RBFOX1: variants seen among roughly 807,000 people sequenced by gnomAD.
The protein encoded by RBFOX1 is RNA binding fox-1 homolog 1.
In RBFOX1, 8 loss-of-function variants were observed where a neutral mutation model predicts 57.7. That is an observed-to-expected ratio of 0.14 (90% CI 0.08 to 0.25). The LOEUF (loss-of-function observed/expected upper bound fraction) is 0.25. RBFOX1 is among the 10% of genes least tolerant of loss of function. The pLI, the probability that RBFOX1 is intolerant of heterozygous loss-of-function variation, is 1.00. For missense variants in RBFOX1, 611 were observed against 548.5 expected (o/e 1.11, Z -1.14); for synonymous variants, 326 against 222.4 (o/e 1.47, Z -4.15).
At chr16:7,614,803 T>G (rs777419573) in intron 10 of RBFOX1, 1 of 152,222 alleles carries the variant, frequency 6.6e-6, no homozygotes, top group South Asian at 2.1e-4. Context: ...CAAATCCTTA[T>G]GAAAATGCTA....
At chr16:6,298,638 C>T (rs1264022483) in intron 1 of RBFOX1, among the ~76,000 whole-genome samples, 1 of 152,126 alleles carries the variant, frequency 6.6e-6, no homozygotes, top group Non-Finnish European at 1.5e-5. Flanking sequence ...CCAAAACCTT[C>T]CTTCTGGGTT....
chr16:6,026,300 A>G (rs1375596693), intron 1 of RBFOX1, among the ~76,000 whole-genome samples: 1 of 152,232 alleles, frequency 6.6e-6, no homozygotes, highest in Non-Finnish European at 1.5e-5. Flanking sequence ...CAGAAGCCCC[A>G]TATGGAAATA....
chr16:6,779,185 T>G (rs543303575), intron 3 of RBFOX1, among the ~76,000 whole-genome samples: 4 of 152,156 alleles, frequency 2.6e-5, no homozygotes, highest in East Asian at 3.9e-4. Flanking sequence ...TCCCCTTCCT[T>G]GCATTTGGTA....
chr16:7,558,404 ATATT>A (rs1168345996), intron 5 of RBFOX1, among the ~76,000 whole-genome samples: 2 of 152,070 alleles, frequency 1.3e-5, no homozygotes, highest in African/African-American at 2.4e-5. Context: ...ACACACATAT[ATATT>A]TATGCTATAT....
chr16:6,546,146 G>A (rs886509496), intron 2 of RBFOX1, among the ~76,000 whole-genome samples: 2 of 152,228 alleles, frequency 1.3e-5, no homozygotes, highest in African/African-American at 2.4e-5. Context: ...TGGGCCACAT[G>A]TGACCTGTGG....
chr16:7,207,239 C>T (rs1163397979), intron 4 of RBFOX1, among the ~76,000 whole-genome samples: 2 of 152,112 alleles, frequency 1.3e-5, no homozygotes, highest in African/African-American at 4.8e-5. Flanking sequence ...GCATCATTGG[C>T]CGGGCGTTAT....
rs1005683322 is a variant in RBFOX1, at chr16:5,799,207, G to A, written c.319-68096G>A. Reference sequence around the variant, plus strand: ...ACCCCTTATAAAACCATCAGATCTCGTGAGACTTATTCATTACCATAAGTA... The same window carrying A: ...ACCCCTTATAAAACCATCAGATCTCATGAGACTTATTCATTACCATAAGTA... On this transcript the variant is annotated intron_variant, in intron 3 of 19. Transcript: ENST00000641259. 7.2e-5 allele frequency among the ~76,000 whole-genome samples: 11 copies of A among 151,962 alleles called. No individual in the cohort carries two copies. The South Asian group carries it at 1.5e-3, about 20-fold the overall frequency.
At chr16:7,231,901 A>G (rs1603412162) in intron 4 of RBFOX1, among the ~76,000 whole-genome samples, 1 of 152,182 alleles carries the variant, frequency 6.6e-6, no homozygotes, top group South Asian at 2.1e-4. Context: ...GGCTAGGAGG[A>G]AGGGGTTGGG....
chr16:5,473,400 G>GTT (rs149955722), intron 2 of RBFOX1, among the ~76,000 whole-genome samples: 1 of 150,220 alleles, frequency 6.7e-6, no homozygotes, highest in African/African-American at 2.5e-5. Flanking sequence ...TACTTACCCT[G>GTT]TTTTTTTTTC....
chr16:6,373,243 A>T (rs2090726090), intron 2 of RBFOX1, among the ~76,000 whole-genome samples: 1 of 151,384 alleles, frequency 6.6e-6, no homozygotes, highest in Admixed American at 6.6e-5. Context: ...ATCACTGGGT[A>T]GGAGGATAGT....
chr16:5,729,396 C>CTTTT (rs71142649), intron 3 of RBFOX1, among the ~76,000 whole-genome samples: 12 of 111,452 alleles, frequency 1.1e-4, no homozygotes, highest in African/African-American at 3.1e-4. Flanking sequence ...TTTTTCTTTT[C>CTTTT]TTTTTTTTTT....
intron 3 of RBFOX1, among the ~76,000 whole-genome samples, chr16:6,956,267 G>A (rs762719539): frequency 3.3e-5 from 5 of 152,166 alleles, no homozygotes; most frequent in Non-Finnish European, 7.3e-5. Context: ...GGCACAAAGA[G>A]CTGGGTGAAG....
At chr16:6,379,167 C>T (rs185373416) in intron 2 of RBFOX1, among the ~76,000 whole-genome samples, 56 of 152,222 alleles carry the variant, frequency 3.7e-4, no homozygotes, top group African/African-American at 1.2e-3. Flanking sequence ...CTGTGCTCAT[C>T]TTGGAAATGT....
intron 1 of RBFOX1, among the ~76,000 whole-genome samples, chr16:6,079,125 A>C (rs1271789271): frequency 6.6e-6 from 1 of 150,554 alleles, no homozygotes; most frequent in Non-Finnish European, 1.5e-5. Flanking sequence ...CCTGACCAAC[A>C]TGGTGAAACC....
chr16:5,277,691 A>G (rs992631381), intron 1 of RBFOX1, among the ~76,000 whole-genome samples: 11 of 152,174 alleles, frequency 7.2e-5, no homozygotes, highest in Non-Finnish European at 1.2e-4. Flanking sequence ...GACCTGATAC[A>G]TGGCCCCCAC....
intron 3 of RBFOX1, among the ~76,000 whole-genome samples, chr16:5,770,276 C>A (rs572381720): frequency 1.1e-3 from 170 of 151,932 alleles, no homozygotes; most frequent in African/African-American, 4.0e-3. Context: ...AAACCAGCTA[C>A]AACCAAGATG....
chr16:5,640,467 CAT>C (rs374724948), intron 3 of RBFOX1, among the ~76,000 whole-genome samples: 69 of 152,074 alleles, frequency 4.5e-4, no homozygotes, highest in African/African-American at 1.1e-3. Flanking sequence ...GGCACACACA[CAT>C]GTACACCATG....
Position 7,330,361 on chromosome 16 carries a change from CTG to C in RBFOX1, c.28-187784_28-187783del, listed in dbSNP as rs200605486. Among the ~76,000 whole-genome samples, 810 of 136,856 alleles carry C rather than the reference CTG, an allele frequency of 5.9e-3. 9 individuals are homozygous for C. Among genetic ancestry groups the C allele is most frequent in the African/African-American group, 0.021 (757 of 36,496 alleles). The allele number at this position is 136,856 out of a possible 152,430, so 89.8% of individuals were successfully genotyped here. A position where few individuals can be genotyped will look rare whatever the true frequency, so the allele number is the denominator to read the frequency against. ...GGAAATAATGACAAGAACAAACAGT[CTG>C]TATATGTTCAGTGCAGGTGCAGAGG... is the stretch of plus-strand genomic sequence containing the variant. On this transcript the variant is annotated intron_variant, in intron 4 of 15. Coordinates refer to ENST00000550418, the MANE Select transcript of RBFOX1 (RefSeq NM_018723.4).
intron 4 of RBFOX1, among the ~76,000 whole-genome samples, chr16:7,454,680 G>C (rs550849709): frequency 6.6e-6 from 1 of 152,240 alleles, no homozygotes; most frequent in East Asian, 1.9e-4. Context: ...ACTTGAGAAG[G>C]AATATGGTGG....
Sources: gnomAD v4.1 joint callset for allele counts (sites outside exome capture counted in the v4.1 genomes callset) on GRCh38, gnomAD v4.1.1 for gene constraint, MANE v1.5 for transcripts, NCBI Gene and HGNC (gene_info 2026-07-23, HGNC 2026-07-21) for gene names.